Variants in RSF1 observed in about 807,000 individuals in gnomAD.
RSF1 encodes remodeling and spacing factor 1, also known as HBV pX-associated protein 8.
In RSF1, 13 loss-of-function variants were observed where a neutral mutation model predicts 145.2. The ratio of observed to expected loss-of-function variants is 0.09; its 90% CI spans 0.06 to 0.14. RSF1 has a LOEUF of 0.14. RSF1 is among the 10% of genes least tolerant of loss of function. The pLI is 1.00. For synonymous variants in RSF1, 577 were observed against 592.6 expected (o/e 0.97, Z 0.38); for missense variants, 1,517 against 1,718.2 (o/e 0.88, Z 2.07).
At chr11:77,788,539 A>T (rs1948484077) in intron 1 of RSF1, among the ~76,000 whole-genome samples, 1 of 151,434 alleles carries the variant, frequency 6.6e-6, no homozygotes, top group African/African-American at 2.4e-5. Context: ...AAAATGTAAC[A>T]ATGAAAACTA....
chr11:77,700,349 C>CACA (rs1960386130), intron 6 of RSF1, among the ~76,000 whole-genome samples: 1 of 47,196 alleles, frequency 2.1e-5, no homozygotes, highest in Non-Finnish European at 3.8e-5. Context: ...GACTGTCTCA[C>CACA]AAAAAAAAAA....
chr11:77,868,092 A>G, the RSF1 span, among the ~76,000 whole-genome samples: 2 of 130,140 alleles, frequency 1.5e-5, no homozygotes, highest in African/African-American at 6.0e-5. Context: ...GTCTCGTTCT[A>G]TCGCCCAGGC....
rs374849813 is a variant in RSF1, at chr11:77,813,592, T to C, written c.187+6936A>G. The C allele has an allele frequency of 3.6e-5, 24 of 663,072 alleles. No homozygotes were observed. The East Asian group carries it at 5.9e-4, about 16-fold the overall frequency. The allele number at this position is 663,072 out of a possible 1,614,324, so 41.1% of individuals were successfully genotyped here. The stretch of plus-strand genomic sequence containing the variant: ...GCACACACCTTTTCCAGGGATTTTA[T>C]GTTGCGGCTCGTTAGAGTGATTCAA... On this transcript the variant is annotated intron_variant, in intron 1 of 15. Transcript: ENST00000308488.
intron 1 of RSF1, among the ~76,000 whole-genome samples, chr11:77,773,493 A>C (rs892482807): frequency 2.1e-4 from 32 of 152,306 alleles, no homozygotes; most frequent in Middle Eastern, 3.4e-3. Context: ...TGGAGGAAAA[A>C]AATCTAAATC....
Position 77,725,674 on chromosome 11 carries a change from G to C in RSF1, c.604C>G (p.Leu202Val). The stretch of plus-strand genomic sequence containing the variant: ...TCAATTTGTGCTTTCAGGAGTGCAA[G>C]AGTCTCAGCCAACTCGTTTCGATTT... ...VRNRNELAET[L>V]ALLKAQIDPV... Residue 202 changes from leucine to valine, a missense_variant, in exon 5 of 16, where the codon CTT becomes GTT. Coordinates refer to ENST00000308488, the MANE Select transcript of RSF1 (RefSeq NM_016578.4). 4.4e-6 allele frequency: 7 copies of C among 1,592,360 alleles called. No homozygotes were observed. Among genetic ancestry groups the C allele is most frequent in the East Asian group, 2.3e-5 (1 of 43,894 alleles).
chr11:77,777,982 A>G (rs999648065), intron 1 of RSF1, among the ~76,000 whole-genome samples: 1 of 145,248 alleles, frequency 6.9e-6, no homozygotes. Flanking sequence ...TAAGACAAAC[A>G]GTATCTTAAA....
chr11:77,871,356 A>C, the RSF1 span, among the ~76,000 whole-genome samples: 12 of 152,246 alleles, frequency 7.9e-5, no homozygotes, highest in African/African-American at 2.7e-4. Flanking sequence ...ATTCATTTAC[A>C]GATATTTATT....
chr11:77,700,610 G>A (rs1565152581), intron 6 of RSF1, 111 bp downstream of exon 6: 3 of 721,390 alleles, frequency 4.2e-6, no homozygotes. Flanking sequence ...TCAGACAGAG[G>A]AAGAAAGATA....
chr11:77,857,884 A>T, the RSF1 span, among the ~76,000 whole-genome samples: 1 of 151,968 alleles, frequency 6.6e-6, no homozygotes. Flanking sequence ...TTTAGTAGAG[A>T]CAGGGTTTCA....
chr11:77,783,551 T>C (rs574706666), intron 1 of RSF1, among the ~76,000 whole-genome samples: 1 of 152,270 alleles, frequency 6.6e-6, no homozygotes, highest in Non-Finnish European at 1.5e-5. Context: ...TTTTGTAACA[T>C]CCATTATCAG....
chr11:77,729,895 C>CAA lies in RSF1; in HGVS notation c.579-4198_579-4197dup, dbSNP rs398045289. On this transcript the variant is annotated intron_variant, in intron 4 of 15. Coordinates refer to ENST00000308488, the MANE Select transcript of RSF1 (RefSeq NM_016578.4). Reference sequence around the variant, plus strand: ...TATAAATGCCAAATTATTCAGTAGGCAAAAAAAAAAAAAAAAAAAAAAAAA... The same window carrying CAA: ...TATAAATGCCAAATTATTCAGTAGGCAAAAAAAAAAAAAAAAAAAAAAAAAAA... Among the ~76,000 whole-genome samples the CAA allele has an allele frequency of 3.7e-3, 180 of 48,902 alleles. 9 individuals are homozygous for CAA. The highest frequency in any genetic ancestry group is 0.011 in the South Asian group (12 of 1,076). 32.1% of individuals were successfully genotyped at this position (48,902 alleles called of 152,430 possible).
intron 9 of RSF1, among the ~76,000 whole-genome samples, chr11:77,688,502 C>T (rs148732727): frequency 2.4e-4 from 37 of 152,136 alleles, no homozygotes; most frequent in African/African-American, 8.4e-4. Flanking sequence ...TTTGCAGTGT[C>T]AAAAATAAAA....
intron 15 of RSF1, among the ~76,000 whole-genome samples, chr11:77,671,634 A>ATT (rs145812199): frequency 2.5e-5 from 3 of 122,408 alleles, no homozygotes; most frequent in Non-Finnish European, 3.4e-5. Flanking sequence ...GGTTATATGG[A>ATT]TTTTTTTTTT....
chr11:77,681,646 G>A (rs1959865133), intron 11 of RSF1, among the ~76,000 whole-genome samples: 1 of 152,214 alleles, frequency 6.6e-6, no homozygotes, highest in African/African-American at 2.4e-5. Flanking sequence ...TAGCTGAAAT[G>A]AGTTGCCCAG....
chr11:77,767,648 T>C (rs1261063437), intron 1 of RSF1, among the ~76,000 whole-genome samples: 1 of 152,218 alleles, frequency 6.6e-6, no homozygotes, highest in Non-Finnish European at 1.5e-5. Context: ...ACTTGAATCA[T>C]ATTTATCTTT....
rs1426667255 is a variant in RSF1 at position 77,820,596 on chromosome 11, G to C, written c.119C>G (p.Pro40Arg). 4.5e-6 allele frequency: 7 copies of C among 1,566,420 alleles called. No individual in the cohort carries two copies. Among genetic ancestry groups the C allele is most frequent in the Non-Finnish European group, 8.6e-7 (1 of 1,157,348 alleles). The change falls in exon 1 of 16, where the codon CCT becomes CGT. Residue 40 changes from proline (P) to arginine (R), a missense_variant. This residue lies in a region of RSF1 where 85 missense variants were observed against 91.8 expected (regional missense o/e 0.93). Transcript: ENST00000308488. The part of the protein sequence containing the change: ...LERYGPLLDL[P>R]ELPFPELERV... ...CTCCAGCTCAGGGAACGGCAACTCA[G>C]GCAGGTCTAGCAGCGGCCCGTAGCG...
chr11:77,839,627 T>C, the RSF1 span, among the ~76,000 whole-genome samples: 1 of 152,198 alleles, frequency 6.6e-6, no homozygotes, highest in Non-Finnish European at 1.5e-5. Context: ...CACCATGGTA[T>C]ACTATGCAAC....
chr11:77,750,950 G>C (rs1167244890), intron 2 of RSF1, among the ~76,000 whole-genome samples: 2 of 152,108 alleles, frequency 1.3e-5, no homozygotes, highest in African/African-American at 2.4e-5. Flanking sequence ...CAGAATCAAT[G>C]TTTGGTGCCT....
chr11:77,815,907 C>G (rs1565189593), intron 1 of RSF1, among the ~76,000 whole-genome samples: 1 of 152,152 alleles, frequency 6.6e-6, no homozygotes. Flanking sequence ...TTAAGGCAAA[C>G]TTCTTAATCA....
Sources: allele counts gnomAD v4.1 joint callset (sites outside exome capture counted in the v4.1 genomes callset), GRCh38; gene constraint gnomAD v4.1.1; regional missense constraint gnomAD v4.1.1; transcripts MANE v1.5; gene names NCBI Gene and HGNC (gene_info 2026-07-23, HGNC 2026-07-21).